The following FAAH2 variants were observed in gnomAD, a reference collection of about 807,000 sequenced individuals.
FAAH2 encodes fatty-acid amide hydrolase 2.
A neutral mutation model predicts 36.9 loss-of-function variants in FAAH2; 60 were observed. That is an observed-to-expected ratio of 1.63 (90% CI 1.32 to 2.02). The LOEUF (loss-of-function observed/expected upper bound fraction) is 2.02. Among genes scored for constraint, FAAH2 ranks in the 30% most tolerant of loss-of-function variants. The probability of loss-of-function intolerance (pLI) is 0.00; values close to 1 mark genes in which losing one functional copy is unlikely to be tolerated. For missense variants in FAAH2, 689 were observed against 397.5 expected (o/e 1.73, Z -6.23); for synonymous variants, 214 against 143.8 (o/e 1.49, Z -3.49).
chrX:57,409,850 A>T (rs1246188074), intron 7 of FAAH2, among the ~76,000 whole-genome samples: 2 of 110,627 alleles, frequency 1.8e-5, no homozygotes, highest in African/African-American at 3.3e-5. Context: ...TTTTAAAAAA[A>T]ATCTTAGTTT....
At chrX:57,475,633 T>G (rs1427342440) in intron 10 of FAAH2, among the ~76,000 whole-genome samples, 1 of 112,056 alleles carries the variant, frequency 8.9e-6, no homozygotes, top group African/African-American at 3.2e-5. Flanking sequence ...GCATGATTCC[T>G]CCAGCTTTGT....
chrX:57,220,609 C>T, the FAAH2 span, among the ~76,000 whole-genome samples: 2 of 112,264 alleles, frequency 1.8e-5, no homozygotes, highest in African/African-American at 6.5e-5. Context: ...AAGGCAAAAA[C>T]AGGCAGAGTT....
At chrX:57,462,221 C>T (rs955174692) in intron 10 of FAAH2, among the ~76,000 whole-genome samples, 3 of 104,724 alleles carry the variant, frequency 2.9e-5, no homozygotes, top group African/African-American at 1.0e-4. Context: ...GAGGATTCTA[C>T]CAGAGGTACA....
chrX:57,475,042 AT>A (rs1416070548), intron 10 of FAAH2, among the ~76,000 whole-genome samples: 1 of 111,078 alleles, frequency 9.0e-6, no homozygotes, highest in Non-Finnish European at 1.9e-5. Context: ...TTTTGATGGG[AT>A]TTTTTGTATC....
In FAAH2 at chrX:57,468,667, A is replaced by G. The variant is rs781211606; in HGVS notation, c.1423+19949A>G. ...GGGGAGAATGGAACCAAGTTGGAAA[A>G]CACTCTACAGGATATTATCCAGGAG... On this transcript the variant is annotated intron_variant, in intron 10 of 10. Transcript: ENST00000374900. Among the ~76,000 whole-genome samples, 3 of 112,062 alleles carry G rather than the reference A, an allele frequency of 2.7e-5. No individual in the cohort carries two copies. In the East Asian group the frequency reaches 8.4e-4, roughly 32 times the overall value.
chrX:57,232,750 T>C, the FAAH2 span, among the ~76,000 whole-genome samples: 1 of 112,181 alleles, frequency 8.9e-6, no homozygotes, highest in Non-Finnish European at 1.9e-5. Context: ...CTTAGAACAG[T>C]GATAAAAATT....
At chrX:57,314,536 C>G (rs1337884752) in intron 3 of FAAH2, among the ~76,000 whole-genome samples, 1 of 110,870 alleles carries the variant, frequency 9.0e-6, no homozygotes, top group Non-Finnish European at 1.9e-5. Context: ...ACTCTTGGAC[C>G]AGAGTGAAAT....
chrX:57,137,983 A>T, the FAAH2 span, among the ~76,000 whole-genome samples: 1 of 111,399 alleles, frequency 9.0e-6, no homozygotes, highest in South Asian at 3.7e-4. Flanking sequence ...CCTCTATCCA[A>T]TCACATAACT....
At chrX:57,304,534 T>A (rs1450542068) in intron 2 of FAAH2, among the ~76,000 whole-genome samples, 1 of 111,881 alleles carries the variant, frequency 8.9e-6, no homozygotes, top group Non-Finnish European at 1.9e-5. Context: ...TGTGACCAGA[T>A]ACCACTGGTA....
chrX:57,416,270 T>C (rs2055839642), intron 7 of FAAH2, among the ~76,000 whole-genome samples: 1 of 111,754 alleles, frequency 8.9e-6, no homozygotes, highest in South Asian at 3.8e-4. Context: ...CCTGTCATTA[T>C]GAAGCTAGCT....
intron 5 of FAAH2, among the ~76,000 whole-genome samples, chrX:57,375,591 T>A (rs930726268): frequency 5.4e-5 from 6 of 110,808 alleles, no homozygotes; most frequent in African/African-American, 2.0e-4. Context: ...CATTTCTAAT[T>A]GAGCTTCTTT....
At chrX:57,427,578 C>A (rs2056193339) in intron 7 of FAAH2, among the ~76,000 whole-genome samples, 1 of 111,305 alleles carries the variant, frequency 9.0e-6, no homozygotes, top group Non-Finnish European at 1.9e-5. Context: ...GGTTTTAACC[C>A]AGAGATGAAA....
At chrX:57,372,120 A>T (rs2054567241) in intron 5 of FAAH2, among the ~76,000 whole-genome samples, 2 of 111,347 alleles carry the variant, frequency 1.8e-5, no homozygotes, top group South Asian at 7.5e-4. Context: ...AGATCCATGT[A>T]TCTTCTTGGT....
intron 2 of FAAH2, among the ~76,000 whole-genome samples, chrX:57,305,041 T>G (rs2052480961): frequency 1.1e-5 from 1 of 90,897 alleles, no homozygotes; most frequent in Non-Finnish European, 2.2e-5. Context: ...TTATTCTTCC[T>G]TAAGGTGTGA....
intron 5 of FAAH2, among the ~76,000 whole-genome samples, chrX:57,368,525 G>A (rs189039198): frequency 1.7e-4 from 19 of 111,611 alleles, no homozygotes; most frequent in South Asian, 1.1e-3. Context: ...TGCATAAATC[G>A]TGAACTCCCT....
chrX:57,237,056 T>C, the FAAH2 span, among the ~76,000 whole-genome samples: 1 of 111,845 alleles, frequency 8.9e-6, no homozygotes, highest in Non-Finnish European at 1.9e-5. Flanking sequence ...AAGGGTCTAG[T>C]TTCATTCTTC....
the FAAH2 span, among the ~76,000 whole-genome samples, chrX:57,258,199 G>T: frequency 2.7e-5 from 3 of 111,138 alleles, no homozygotes; most frequent in Non-Finnish European, 5.7e-5. Flanking sequence ...ATAAGAAAAG[G>T]ATAGTGTGAC....
intron 5 of FAAH2, among the ~76,000 whole-genome samples, chrX:57,350,908 C>T (rs1213541921): frequency 9.0e-6 from 1 of 111,308 alleles, no homozygotes; most frequent in African/African-American, 3.2e-5. Flanking sequence ...TTTAATTCTC[C>T]ACTCACAATA....
At chrX:57,480,441 A>G (rs2057358744) in intron 10 of FAAH2, among the ~76,000 whole-genome samples, 1 of 111,996 alleles carries the variant, frequency 8.9e-6, no homozygotes, top group East Asian at 2.8e-4. Flanking sequence ...GGTGGTGACA[A>G]AGTTTCTCAG....
Sources: gnomAD v4.1 joint callset for allele counts (sites outside exome capture counted in the v4.1 genomes callset) on GRCh38, gnomAD v4.1.1 for gene constraint, MANE v1.5 for transcripts, NCBI Gene and HGNC (gene_info 2026-07-23, HGNC 2026-07-21) for gene names.